XRCC4: variants seen among roughly 807,000 people sequenced by gnomAD.
XRCC4 encodes X-ray repair cross complementing 4, also known as DNA repair protein XRCC4.
XRCC4 carries 28 observed loss-of-function variants against 39.1 expected under a neutral mutation model. That is an observed-to-expected ratio of 0.72 (90% CI 0.53 to 0.98). The LOEUF is 0.98. XRCC4 is among the 50% of genes least tolerant of loss of function. The pLI is 0.00. For synonymous variants in XRCC4, 123 were observed against 126.4 expected, an observed-to-expected ratio of 0.97 and a Z score of 0.18; for missense variants, 350 against 376.4, an observed-to-expected ratio of 0.93 and a Z score of 0.58.
At chr5:83,093,097 A>G (rs1268815282) in intron 1 of XRCC4, among the ~76,000 whole-genome samples, 1 of 152,100 alleles carries the variant, frequency 6.6e-6, no homozygotes, top group Non-Finnish European at 1.5e-5. Context: ...GAGGACACAT[A>G]TAGACTGAAA....
At chr5:83,228,944 A>G (rs1160152963) in intron 6 of XRCC4, among the ~76,000 whole-genome samples, 1 of 152,064 alleles carries the variant, frequency 6.6e-6, no homozygotes, top group Non-Finnish European at 1.5e-5. Context: ...CTGTGTGTCA[A>G]TAATGGCCAA....
intron 7 of XRCC4, among the ~76,000 whole-genome samples, chr5:83,272,386 C>T (rs1188688280): frequency 6.6e-6 from 1 of 151,948 alleles, no homozygotes; most frequent in Non-Finnish European, 1.5e-5. Context: ...GTGGGGTGTT[C>T]CCTTGTTGTT....
At chr5:83,113,949 A>G (rs1746579503) in intron 3 of XRCC4, among the ~76,000 whole-genome samples, 1 of 152,126 alleles carries the variant, frequency 6.6e-6, no homozygotes, top group Non-Finnish European at 1.5e-5. Context: ...ACATCATCTG[A>G]AATCTAGGCA....
intron 1 of XRCC4, among the ~76,000 whole-genome samples, chr5:83,089,335 T>A (rs770650112): frequency 9.2e-5 from 14 of 152,232 alleles, no homozygotes; most frequent in Non-Finnish European, 1.6e-4. Flanking sequence ...CCAGGCCCTT[T>A]CCATCAGGAG....
At chr5:83,117,097 C>G (rs1182793153) in intron 3 of XRCC4, among the ~76,000 whole-genome samples, 1 of 152,238 alleles carries the variant, frequency 6.6e-6, no homozygotes, top group African/African-American at 2.4e-5. Context: ...TAACATAGAT[C>G]CTTTTATTTT....
At chr5:83,367,543 T>C in the XRCC4 span, among the ~76,000 whole-genome samples, 16 of 152,206 alleles carry the variant, frequency 1.1e-4, no homozygotes, top group South Asian at 3.3e-3. Flanking sequence ...TGAAAGAGCT[T>C]CCTCAGGCTG....
chr5:83,131,680 A>G (rs2112482102), intron 3 of XRCC4, among the ~76,000 whole-genome samples: 1 of 151,722 alleles, frequency 6.6e-6, no homozygotes. Flanking sequence ...AGTCTGTTTT[A>G]TCAGAGACTA....
Position 83,186,941 on chromosome 5 carries a change from A to ATTTTTTT in XRCC4, c.316-8815_316-8809dup, listed in dbSNP as rs770811313. ...TTTTGGCTCATGGCCTGCTTCTTCC[A>ATTTTTTT]TTTTTTTTTTTTTTTTTTTTGAGAC... On this transcript the variant is annotated intron_variant, in intron 3 of 7. Transcript: ENST00000396027. 5.7e-5 allele frequency among the ~76,000 whole-genome samples: 5 copies of ATTTTTTT among 87,494 alleles called. 1 individual carries two copies. The highest frequency in any genetic ancestry group is 1.8e-4 in the African/African-American group (3 of 16,634). 57.4% of individuals were successfully genotyped at this position (87,494 alleles called of 152,430 possible).
chr5:83,206,086 C>G (rs1580369602), intron 6 of XRCC4, among the ~76,000 whole-genome samples: 1 of 151,864 alleles, frequency 6.6e-6, no homozygotes, highest in Non-Finnish European at 1.5e-5. Context: ...ATATAGGCTA[C>G]CATTAGAACT....
chr5:83,368,852 T>C, the XRCC4 span, among the ~76,000 whole-genome samples: 2 of 152,166 alleles, frequency 1.3e-5, no homozygotes, highest in Non-Finnish European at 2.9e-5. Flanking sequence ...GCTGTGTTAG[T>C]GTATAAGACA....
At position 83,352,509 on chromosome 5, in the gene XRCC4, A is replaced by G. The variant is rs138810614; in HGVS notation, c.894-622A>G. 4.2e-3 allele frequency among the ~76,000 whole-genome samples: 645 copies of G among 152,338 alleles called. 5 individuals carry two copies. Among genetic ancestry groups the G allele is most frequent in the African/African-American group, 0.015 (620 of 41,576 alleles). The stretch of plus-strand genomic sequence containing the variant: ...CTTAGGATTCAAAGAAAATATCTAC[A>G]TAAATATAGCAGTCAATCCATTGAA... On this transcript the variant is annotated intron_variant, in intron 7 of 7. Coordinates refer to ENST00000396027, the MANE Select transcript of XRCC4 (RefSeq NM_003401.5).
At chr5:83,240,821 A>G (rs77987487) in intron 6 of XRCC4, among the ~76,000 whole-genome samples, 3,029 of 152,324 alleles carry the variant, frequency 0.02, 79 homozygotes, top group African/African-American at 0.067. Flanking sequence ...GAAAGATTGT[A>G]TTTGAGGGGT....
At chr5:83,174,558 T>C (rs1166176784) in intron 3 of XRCC4, among the ~76,000 whole-genome samples, 1 of 152,228 alleles carries the variant, frequency 6.6e-6, no homozygotes, top group East Asian at 1.9e-4. Context: ...GAACATTTTT[T>C]GGCCATGGAT....
chr5:83,171,591 T>C (rs1462515078), intron 3 of XRCC4, among the ~76,000 whole-genome samples: 1 of 152,176 alleles, frequency 6.6e-6, no homozygotes, highest in Non-Finnish European at 1.5e-5. Flanking sequence ...ATAGCTGCCC[T>C]GAAGATGGGA....
intron 7 of XRCC4, among the ~76,000 whole-genome samples, chr5:83,336,712 G>A (rs1486886731): frequency 6.6e-6 from 1 of 152,088 alleles, no homozygotes; most frequent in Non-Finnish European, 1.5e-5. Context: ...CCAGTAGTTG[G>A]GTTGTGAGTG....
rs978684352 is a variant in XRCC4, at chr5:83,312,970, G to A, written c.894-40161G>A. Among the ~76,000 whole-genome samples, 14 of 152,100 alleles carry A rather than the reference G, an allele frequency of 9.2e-5. No individual in the cohort carries two copies. The East Asian group carries it at 1.2e-3, about 13-fold the overall frequency. The stretch of plus-strand genomic sequence containing the variant: ...AGAACACTTGCAAAATTCATTTTGC[G>A]GATGCTGAGTTGGCACTCAAAGGGC... On this transcript the variant is annotated intron_variant, in intron 7 of 7. Coordinates refer to ENST00000396027, the MANE Select transcript of XRCC4 (RefSeq NM_003401.5).
At chr5:83,191,127 A>C (rs979456028) in intron 3 of XRCC4, among the ~76,000 whole-genome samples, 2 of 152,236 alleles carry the variant, frequency 1.3e-5, no homozygotes, top group African/African-American at 4.8e-5. Flanking sequence ...AAAAGCTTGA[A>C]ATCTAAAGGG....
At chr5:83,152,308 G>C (rs1031902) in intron 3 of XRCC4, among the ~76,000 whole-genome samples, 73,733 of 152,078 alleles carry the variant, frequency 0.48, 18,844 homozygotes, top group African/African-American at 0.63. Flanking sequence ...TCATGCCTAA[G>C]AATATTTAAT....
intron 4 of XRCC4, chr5:83,201,552 G>C (rs1420020974): frequency 6.6e-6 from 1 of 152,158 alleles, no homozygotes; most frequent in East Asian, 1.9e-4. Flanking sequence ...AGTCCCTGCA[G>C]GCCAATGTAT....
Sources: gnomAD v4.1 joint callset for allele counts (sites outside exome capture counted in the v4.1 genomes callset) on GRCh38, gnomAD v4.1.1 for gene constraint, MANE v1.5 for transcripts, NCBI Gene and HGNC (gene_info 2026-07-23, HGNC 2026-07-21) for gene names.